The following UBE2O variants were observed in gnomAD, a reference collection of about 807,000 sequenced individuals.
UBE2O encodes the protein ubiquitin conjugating enzyme E2 O.
A neutral mutation model predicts 125.8 loss-of-function variants in UBE2O; 15 were observed. The observed-to-expected ratio is 0.12, with a 90% CI of 0.08 to 0.18. UBE2O has a LOEUF of 0.18. Among genes scored for constraint, UBE2O ranks in the 10% least tolerant of loss-of-function variants. UBE2O has a pLI of 1.00. For synonymous variants in UBE2O, 708 were observed against 703.2 expected, an observed-to-expected ratio of 1.01 and a Z score of -0.11; for missense variants, 1,280 against 1,723.6, an observed-to-expected ratio of 0.74 and a Z score of 4.56.
chr17:76,396,511 T>C lies in UBE2O; in HGVS notation c.2426A>G (p.Lys809Arg). The C allele has an allele frequency of 6.2e-7, 1 of 1,613,848 alleles. No homozygotes were observed. The highest frequency in any genetic ancestry group is 8.5e-7 in the Non-Finnish European group (1 of 1,179,958). The stretch of plus-strand genomic sequence containing the variant: ...GGCCTCTTTCAACTCCCGGAAGCTC[T>C]TGGGTGGCCCGTCCTTGCCAGCCTT... ...MEKAGKDGPP[K>R]SFRELKEAIK... The change falls in exon 14 of 18, where the codon AAG (lysine) becomes AGG (arginine). Residue 809 changes from lysine to arginine, a missense_variant. By Grantham distance (26) the Lys-to-Arg change is conservative. This residue lies in a region of UBE2O where 210 missense variants were observed against 268.9 expected (regional missense o/e 0.78). Coordinates refer to ENST00000319380, the MANE Select transcript of UBE2O (RefSeq NM_022066.4). The surrounding 1 kb of genome is among the most constrained non-coding windows in gnomAD (Gnocchi z 6.7).
intron 1 of UBE2O, among the ~76,000 whole-genome samples, chr17:76,408,344 G>A (rs914917329): frequency 6.6e-6 from 1 of 152,170 alleles, no homozygotes; most frequent in Non-Finnish European, 1.5e-5. Flanking sequence ...TCGCCCATGA[G>A]GTGCTCCACA....
intron 1 of UBE2O, among the ~76,000 whole-genome samples, chr17:76,442,534 C>T (rs1046736651): frequency 2.6e-5 from 4 of 152,230 alleles, no homozygotes; most frequent in Non-Finnish European, 5.9e-5. Flanking sequence ...TGATAGCACA[C>T]AAGCTTTAGG....
chr17:76,438,358 A>G (rs2073030533), intron 1 of UBE2O, among the ~76,000 whole-genome samples: 1 of 152,052 alleles, frequency 6.6e-6, no homozygotes, highest in African/African-American at 2.4e-5. Flanking sequence ...ATTTTACTAC[A>G]ATTAAAAAAG....
rs1424430533 is a variant in UBE2O at position 76,452,950 on chromosome 17, G to A, written c.192C>T (p.Asp64=). ...AGSQRLLFSH[D]LVSGRYRGSV... ...AGCCACGGTAACGGCCCGACACCAG[G>A]TCGTGAGAAAACAGCAGGCGCTGCG... Residue 64 remains aspartate (D), a synonymous_variant, in exon 1 of 18, where the codon GAC becomes GAT. Coordinates refer to ENST00000319380, the MANE Select transcript of UBE2O (RefSeq NM_022066.4). This position sits in a 1 kb window ranked among gnomAD's most constrained non-coding sequence, Gnocchi z 4.4. 6.0e-6 allele frequency: 9 copies of A among 1,497,420 alleles called. No homozygotes were observed. The highest frequency in any genetic ancestry group is 3.5e-4 in the Middle Eastern group (2 of 5,766). The allele number at this position is 1,497,420 out of a possible 1,614,324, so 92.8% of individuals were successfully genotyped here.
chr17:76,453,046 G>A lies in UBE2O; in HGVS notation c.96C>T (p.Pro32=). ...PEAVPAPAAA[P]VPAPAPASDS... is the part of the protein sequence containing the mutation. ...CCGAGGCGGGCGCCGGCGCCGGGACGGGGGCTGCGGCTGGGGCCGGGACTG... is the reference window on the plus strand; with the variant it reads ...CCGAGGCGGGCGCCGGCGCCGGGACAGGGGCTGCGGCTGGGGCCGGGACTG... Residue 32 remains proline, a synonymous_variant, in exon 1 of 18, where the codon CCC becomes CCT. Transcript: ENST00000319380. 4.3e-6 allele frequency: 6 copies of A among 1,400,824 alleles called. No homozygotes were observed. The highest frequency in any genetic ancestry group is 5.6e-6 in the Non-Finnish European group (6 of 1,072,610). The allele number at this position is 1,400,824 out of a possible 1,614,324, so 86.8% of individuals were successfully genotyped here. A position where few individuals can be genotyped will look rare whatever the true frequency, so the allele number is the denominator to read the frequency against.
At chr17:76,431,501 T>C (rs1417762739) in intron 1 of UBE2O, among the ~76,000 whole-genome samples, 1 of 151,912 alleles carries the variant, frequency 6.6e-6, no homozygotes, top group Admixed American at 6.6e-5. Context: ...GGGTGCTCTG[T>C]CTCAAAAAAA....
rs1598596564 is a variant in UBE2O at position 76,410,377 on chromosome 17, T to G, written c.418-4805A>C. Among the ~76,000 whole-genome samples, 1 of 151,454 alleles carries G rather than the reference T, an allele frequency of 6.6e-6. No homozygotes were observed. The highest frequency in any genetic ancestry group is 1.5e-5 in the Non-Finnish European group (1 of 67,864). ...CACTTTCGGTGGTCATAAAGGGTGGTGGGGGTTCTGGTATCTAGTGGGCAG... is the reference window on the plus strand; with the variant it reads ...CACTTTCGGTGGTCATAAAGGGTGGGGGGGGTTCTGGTATCTAGTGGGCAG... On this transcript the variant is annotated intron_variant, in intron 1 of 17. Transcript: ENST00000319380. The surrounding 1 kb of genome is among the most constrained non-coding windows in gnomAD (Gnocchi z 4.0).
At chr17:76,415,242 C>A (rs1466343581) in intron 1 of UBE2O, among the ~76,000 whole-genome samples, 1 of 152,162 alleles carries the variant, frequency 6.6e-6, no homozygotes, top group Non-Finnish European at 1.5e-5. Flanking sequence ...GCTAATCACA[C>A]AAACTGATCC....
At chr17:76,413,910 G>A (rs2072557017) in intron 1 of UBE2O, among the ~76,000 whole-genome samples, 1 of 152,232 alleles carries the variant, frequency 6.6e-6, no homozygotes. Context: ...GCCTCCTGTT[G>A]GAGCTGGACT....
At chr17:76,394,684 G>A (rs536978551) in intron 15 of UBE2O, among the ~76,000 whole-genome samples, 2 of 152,224 alleles carry the variant, frequency 1.3e-5, no homozygotes, top group East Asian at 3.9e-4. Flanking sequence ...TCATCCGTTT[G>A]GAAGGAGACC....
Position 76,398,405 on chromosome 17 carries a change from C to A in UBE2O, c.1897-22G>T. ...TCAGCTGTGGCACAGGACAGGTTGT[C>A]ATGAGCTAGGGGTCCTACACCCAAC... On this transcript the variant is annotated intron_variant, in intron 11 of 17. Transcript: ENST00000319380. This position sits in a 1 kb window ranked among gnomAD's most constrained non-coding sequence, Gnocchi z 5.4. The A allele has an allele frequency of 6.2e-7, 1 of 1,614,096 alleles. No homozygotes were observed. The highest frequency in any genetic ancestry group is 8.5e-7 in the Non-Finnish European group (1 of 1,180,024).
chr17:76,424,049 A>G (rs183998108), intron 1 of UBE2O, among the ~76,000 whole-genome samples: 98 of 151,896 alleles, frequency 6.5e-4, no homozygotes, highest in African/African-American at 2.1e-3. Context: ...CTGGGACTAC[A>G]GGCCCCCGCC....
At chr17:76,428,088 G>A (rs763559987) in intron 1 of UBE2O, among the ~76,000 whole-genome samples, 7 of 152,006 alleles carry the variant, frequency 4.6e-5, no homozygotes, top group East Asian at 1.9e-4. Context: ...TAATGGGAGC[G>A]GTTCTAACTT....
At chr17:76,412,442 T>C (rs2072532863) in intron 1 of UBE2O, among the ~76,000 whole-genome samples, 1 of 151,436 alleles carries the variant, frequency 6.6e-6, no homozygotes, top group Non-Finnish European at 1.5e-5. Flanking sequence ...GAGTCCTAGG[T>C]GTATAGAAAA....
chr17:76,398,136 ACT>A lies in UBE2O; in HGVS notation c.2025+117_2025+118del, dbSNP rs1056322026. The A allele has an allele frequency of 1.4e-6, 2 of 1,408,970 alleles. No individual in the cohort carries two copies. Among genetic ancestry groups the A allele is most frequent in the African/African-American group, 2.8e-5 (2 of 70,792 alleles). 87.3% of individuals were successfully genotyped at this position (1,408,970 alleles called of 1,614,324 possible). A position where few individuals can be genotyped will look rare whatever the true frequency, so the allele number is the denominator to read the frequency against. On this transcript the variant is annotated intron_variant, in intron 12 of 17. Transcript: ENST00000319380. The surrounding 1 kb of genome is among the most constrained non-coding windows in gnomAD (Gnocchi z 5.4). ...CTGGGGCAGCTGCCCTTCTGAGGACACTGAGCCCAGAGGACTTTCAGGTCTTG... is the reference window on the plus strand; with the variant it reads ...CTGGGGCAGCTGCCCTTCTGAGGACAGAGCCCAGAGGACTTTCAGGTCTTG...
At chr17:76,430,574 G>C in intron 1 of UBE2O, 1 of 273,242 alleles carries the variant, frequency 3.7e-6, no homozygotes, top group Non-Finnish European at 7.5e-6. Flanking sequence ...CCTCGATGCA[G>C]ATGATGCCAT....
In UBE2O at chr17:76,398,013, G is replaced by GT; in HGVS notation, c.2026-126dup. The GT allele has an allele frequency of 8.8e-7, 1 of 1,131,210 alleles. No individual in the cohort carries two copies. Among genetic ancestry groups the GT allele is most frequent in the Non-Finnish European group, 1.3e-6 (1 of 780,314 alleles). The allele number at this position is 1,131,210 out of a possible 1,614,324, so 70.1% of individuals were successfully genotyped here. ...TGTGACAAGGAACTTAGCTCCTCTG[G>GT]TAAATGTAACCAGCGGCAGCTCAAG... On this transcript the variant is annotated intron_variant, in intron 12 of 17. Transcript: ENST00000319380. The surrounding 1 kb of genome is among the most constrained non-coding windows in gnomAD (Gnocchi z 5.4).
chr17:76,396,170 T>C lies in UBE2O; in HGVS notation c.2767A>G (p.Ser923Gly). Residue 923 changes from serine to glycine, a missense_variant, in exon 14 of 18, where the codon AGC becomes GGC. Around this residue, in one of 10 missense-constraint regions of UBE2O, gnomAD observed 116 missense variants for 154.8 expected, o/e 0.75. Coordinates refer to ENST00000319380, the MANE Select transcript of UBE2O (RefSeq NM_022066.4). This position sits in a 1 kb window ranked among gnomAD's most constrained non-coding sequence, Gnocchi z 6.7. ...ACGGAGAAGACCTCGCCCTTGGCGC[T>C]GGTGAAGGTGACGCCAGGCTTGCCG... ...CGGKPGVTFT[S>G]AKGEVFSVLE... 1 of 1,613,522 alleles carries C rather than the reference T, an allele frequency of 6.2e-7. No homozygotes were observed. Among genetic ancestry groups the C allele is most frequent in the Non-Finnish European group, 8.5e-7 (1 of 1,179,642 alleles).
chr17:76,433,140 G>A (rs1283188675), intron 1 of UBE2O, among the ~76,000 whole-genome samples: 1 of 151,934 alleles, frequency 6.6e-6, no homozygotes, highest in African/African-American at 2.4e-5. Context: ...GGACTTGAAT[G>A]CTTATAGCAG....
Sources: gnomAD v4.1 joint callset for allele counts (sites outside exome capture counted in the v4.1 genomes callset) on GRCh38, gnomAD v4.1.1 for gene constraint, gnomAD v4.1.1 regional missense constraint, Gnocchi (gnomAD v3.1) non-coding constraint, MANE v1.5 for transcripts, NCBI Gene and HGNC (gene_info 2026-07-23, HGNC 2026-07-21) for gene names.